CASP2: variants seen among roughly 807,000 people sequenced by gnomAD.
The protein encoded by CASP2 is caspase 2, also known as caspase-2.
CASP2 carries 38 observed loss-of-function variants against 54.4 expected under a neutral mutation model. The observed-to-expected ratio is 0.70, with a 90% CI of 0.54 to 0.92. CASP2 has a LOEUF of 0.92. CASP2 is among the 40% of genes least tolerant of loss of function. The pLI, the probability that CASP2 is intolerant of heterozygous loss-of-function variation, is 0.00. For missense variants in CASP2, 512 were observed against 579.6 expected, an observed-to-expected ratio of 0.88 and a Z score of 1.20; for synonymous variants, 215 against 216.3, an observed-to-expected ratio of 0.99 and a Z score of 0.05.
At chr7:143,304,503 T>C (rs1002333891) in intron 9 of CASP2, among the ~76,000 whole-genome samples, 171 bp from the exon 10 acceptor site, 1 of 152,204 alleles carries the variant, frequency 6.6e-6, no homozygotes, top group Admixed American at 6.5e-5. Flanking sequence ...GAAACAGACC[T>C]ACGGTATCTC....
At chr7:143,303,961 C>A in intron 9 of CASP2, 28 bp downstream of exon 9, 2 of 1,557,360 alleles carry the variant, frequency 1.3e-6, no homozygotes, top group South Asian at 2.4e-5. Context: ...AGAGTTGAGT[C>A]ATACCTCATT....
intron 1 of CASP2, 91 bp downstream of exon 1, chr7:143,288,620 C>T (rs2116753340): frequency 5.9e-6 from 7 of 1,186,204 alleles, no homozygotes; most frequent in Non-Finnish European, 8.4e-6. Flanking sequence ...CCCCTCCCCT[C>T]GGAGCCCCGG....
In CASP2 at chr7:143,305,288, G is replaced by T. The variant is rs1802034502; in HGVS notation, c.*217G>T. On this transcript the variant is annotated 3_prime_UTR_variant, in exon 11 of 11. Coordinates refer to ENST00000310447, the MANE Select transcript of CASP2 (RefSeq NM_032982.4). ...GCCCTTTGCCTGTAGAGCCAGCCTTGGTTGGACCTATTGCCAGGAATGTTT... is the reference window on the plus strand; with the variant it reads ...GCCCTTTGCCTGTAGAGCCAGCCTTTGTTGGACCTATTGCCAGGAATGTTT... 4.8e-6 allele frequency: 3 copies of T among 631,254 alleles called. No individual in the cohort carries two copies. The East Asian group carries it at 8.4e-5, about 18-fold the overall frequency. The allele number at this position is 631,254 out of a possible 1,614,324, so 39.1% of individuals were successfully genotyped here. A position where few individuals can be genotyped will look rare whatever the true frequency, so the allele number is the denominator to read the frequency against.
chr7:143,301,617 T>C (rs1393686625), intron 8 of CASP2: 1 of 152,158 alleles, frequency 6.6e-6, no homozygotes, highest in Non-Finnish European at 1.5e-5. Context: ...AAGGCTTAAT[T>C]TGTACCTGGA....
intron 8 of CASP2, chr7:143,303,018 CTT>C (rs1478975027): frequency 6.6e-6 from 1 of 151,890 alleles, no homozygotes. Context: ...AATCCCAACA[CTT>C]TGGGAGGCCG....
In CASP2 at chr7:143,288,480, TG is replaced by T; in HGVS notation, c.27del (p.Trp9CysfsTer9). 2 of 1,613,276 alleles carry T rather than the reference TG, an allele frequency of 1.2e-6. No individual in the cohort carries two copies. The highest frequency in any genetic ancestry group is 1.7e-6 in the Non-Finnish European group (2 of 1,179,670). On this transcript the variant is annotated frameshift_variant, in exon 1 of 11. Transcript: ENST00000310447. LOFTEE classifies it high-confidence loss of function. ...AATGGCGGCGCCGAGCGCGGGGTCT[TG>T]GTCCACCTTCCAGCACAAGGAGCTG... MAAPSAGS[W>X]STFQHKELMA... is the part of the protein sequence containing the mutation.
chr7:143,292,120 G>T (rs772915451), intron 2 of CASP2, among the ~76,000 whole-genome samples, 180 bp from the exon 3 acceptor site: 1 of 152,060 alleles, frequency 6.6e-6, no homozygotes, highest in Admixed American at 6.5e-5. Flanking sequence ...CCCTTCTACC[G>T]TAGAGCATTT....
chr7:143,292,039 A>G (rs1044511847), intron 2 of CASP2, among the ~76,000 whole-genome samples: 9 of 151,968 alleles, frequency 5.9e-5, no homozygotes, highest in African/African-American at 1.9e-4. Context: ...CGGCCTCCCA[A>G]AGTGCTGGGA....
chr7:143,293,225 T>C (rs1801639581), intron 4 of CASP2: 4 of 572,018 alleles, frequency 7.0e-6, no homozygotes, highest in East Asian at 6.0e-5. Flanking sequence ...ACTCCTGGGT[T>C]GAAGGGCTCC....
intron 6 of CASP2, among the ~76,000 whole-genome samples, chr7:143,298,977 T>G (rs77103793): frequency 6.6e-6 from 1 of 152,064 alleles, no homozygotes. Flanking sequence ...GTTTTTTTTT[T>G]GAGACAGGGT....
At position 143,294,691 on chromosome 7, in the gene CASP2, G is replaced by A; in HGVS notation, c.665G>A (p.Gly222Glu). 6.2e-7 allele frequency: 1 copy of A among 1,614,170 alleles called. No individual in the cohort carries two copies. Among genetic ancestry groups the A allele is most frequent in the South Asian group, 1.1e-5 (1 of 91,080 alleles). Reference sequence around the variant, plus strand: ...AAAGAACTGGAATTTCGCTCTGGAGGGGATGTGGACCACAGTACTCTAGTC... The same window carrying A: ...AAAGAACTGGAATTTCGCTCTGGAGAGGATGTGGACCACAGTACTCTAGTC... ...GEKELEFRSG[G>E]DVDHSTLVTL... Residue 222 changes from glycine to glutamate, a missense_variant, in exon 6 of 11, where the codon GGG (glycine) becomes GAG (glutamate). Gly to Glu is a moderately conservative substitution (Grantham distance 98). Coordinates refer to ENST00000310447, the MANE Select transcript of CASP2 (RefSeq NM_032982.4).
At chr7:143,299,214 G>C (rs1801844184) in intron 6 of CASP2, among the ~76,000 whole-genome samples, 1 of 152,086 alleles carries the variant, frequency 6.6e-6, no homozygotes, top group Non-Finnish European at 1.5e-5. Context: ...CAAACTTAGA[G>C]AAAATATCCT....
intron 8 of CASP2, 167 bp downstream of exon 8, chr7:143,300,461 G>A (rs373585704): frequency 5.3e-5 from 85 of 1,595,118 alleles, no homozygotes; most frequent in Non-Finnish European, 6.0e-5. Context: ...CCCAATGCAT[G>A]GGGTGTGCTG....
At chr7:143,303,567 C>T (rs879653630) in intron 8 of CASP2, 9 of 487,534 alleles carry the variant, frequency 1.8e-5, no homozygotes, top group Non-Finnish European at 3.0e-5. Flanking sequence ...GAGCGTGGTG[C>T]CCGGTGTGTA....
At chr7:143,299,637 C>T (rs954539306) in intron 6 of CASP2, among the ~76,000 whole-genome samples, 3 of 152,170 alleles carry the variant, frequency 2.0e-5, no homozygotes, top group African/African-American at 7.2e-5. Context: ...TTGACCAGCT[C>T]ATGATTAGCT....
At chr7:143,300,136 G>GC (rs1435171007) in intron 7 of CASP2, 68 bp from the exon 8 acceptor site, 1 of 1,611,686 alleles carries the variant, frequency 6.2e-7, no homozygotes, top group African/African-American at 1.3e-5. Context: ...GGCTACTGTT[G>GC]CATGTGTAGG....
chr7:143,305,230 T>C lies in CASP2; in HGVS notation c.*159T>C. The C allele has an allele frequency of 1.1e-6, 1 of 926,184 alleles. No homozygotes were observed. Among genetic ancestry groups the C allele is most frequent in the Non-Finnish European group, 1.7e-6 (1 of 591,360 alleles). 57.4% of individuals were successfully genotyped at this position (926,184 alleles called of 1,614,324 possible). ...TGTGCCCATCATCTCTGCCTTTGAG[T>C]GTGGGACTCCAGGCCAGCTCCTTTT... On this transcript the variant is annotated 3_prime_UTR_variant, in exon 11 of 11. Coordinates refer to ENST00000310447, the MANE Select transcript of CASP2 (RefSeq NM_032982.4).
chr7:143,290,604 T>C (rs1027236480), intron 1 of CASP2: 1 of 152,208 alleles, frequency 6.6e-6, no homozygotes, highest in African/African-American at 2.4e-5. Context: ...TGCAAGCCTG[T>C]AGCAAAATTA....
Position 143,303,940 on chromosome 7 carries a change from T to G in CASP2, c.1117+7T>G. The G allele has an allele frequency of 6.3e-7, 1 of 1,579,370 alleles. No homozygotes were observed. The highest frequency in any genetic ancestry group is 8.6e-7 in the Non-Finnish European group (1 of 1,161,954). ...GGCTATGCCTGCCTCAAAGGTACTT[T>G]GAGTTCCAAAAGAGTTGAGTCATAC... On this transcript the variant is annotated splice_region_variant and intron_variant, in intron 9 of 10. Transcript: ENST00000310447.
Sources: gnomAD v4.1 joint callset for allele counts (sites outside exome capture counted in the v4.1 genomes callset) on GRCh38, gnomAD v4.1.1 for gene constraint, MANE v1.5 for transcripts, NCBI Gene and HGNC (gene_info 2026-07-23, HGNC 2026-07-21) for gene names.